Variants in CNTN5 observed in about 807,000 individuals in gnomAD.
CNTN5 encodes contactin 5.
CNTN5 carries 77 observed loss-of-function variants against 129.1 expected under a neutral mutation model. The ratio of observed to expected loss-of-function variants is 0.60; its 90% CI spans 0.50 to 0.72. The LOEUF (loss-of-function observed/expected upper bound fraction) is 0.72. CNTN5 is among the 30% of genes least tolerant of loss of function. CNTN5 has a pLI of 0.00. For synonymous variants in CNTN5, 509 were observed against 465.6 expected (o/e 1.09, Z -1.20); for missense variants, 1,478 against 1,328.8 (o/e 1.11, Z -1.75).
chr11:100,236,830 A>C (rs1234082116), intron 16 of CNTN5, among the ~76,000 whole-genome samples: 1 of 152,102 alleles, frequency 6.6e-6, no homozygotes, highest in Non-Finnish European at 1.5e-5. Context: ...AAAGCCTGGA[A>C]TGTACAGCCT....
intron 3 of CNTN5, among the ~76,000 whole-genome samples, chr11:99,677,952 G>C (rs1050247366): frequency 1.3e-5 from 2 of 151,786 alleles, no homozygotes; most frequent in Non-Finnish European, 2.9e-5. Flanking sequence ...ATTCTCCTTG[G>C]TACTCTCGAA....
At chr11:99,747,327 T>C (rs933981780) in intron 3 of CNTN5, among the ~76,000 whole-genome samples, 2 of 152,166 alleles carry the variant, frequency 1.3e-5, no homozygotes, top group Admixed American at 6.5e-5. Flanking sequence ...TCTTTGCAGT[T>C]TTCTAAAAAT....
At chr11:99,680,217 A>T (rs1253128093) in intron 3 of CNTN5, among the ~76,000 whole-genome samples, 1 of 152,322 alleles carries the variant, frequency 6.6e-6, no homozygotes, top group African/African-American at 2.4e-5. Context: ...CAAATTTTCA[A>T]TATAGATGAA....
At chr11:99,731,211 C>T (rs1048464943) in intron 3 of CNTN5, among the ~76,000 whole-genome samples, 5 of 151,970 alleles carry the variant, frequency 3.3e-5, no homozygotes, top group African/African-American at 9.7e-5. Flanking sequence ...GGGTTCACGC[C>T]ATTCTCCTGC....
chr11:100,321,115 G>A (rs534646603), intron 21 of CNTN5, among the ~76,000 whole-genome samples: 7 of 152,076 alleles, frequency 4.6e-5, no homozygotes, highest in African/African-American at 1.7e-4. Context: ...AATTTTGATA[G>A]TACAATGACT....
At chr11:100,085,085 T>A (rs1197532895) in intron 13 of CNTN5, among the ~76,000 whole-genome samples, 1 of 151,430 alleles carries the variant, frequency 6.6e-6, no homozygotes, top group African/African-American at 2.4e-5. Flanking sequence ...TAAGGGGGAG[T>A]AAATAATTTT....
chr11:99,869,322 A>G (rs1948439938), intron 6 of CNTN5, among the ~76,000 whole-genome samples: 1 of 152,162 alleles, frequency 6.6e-6, no homozygotes. Flanking sequence ...AAGAGTAACA[A>G]TTTCAATCCA....
At chr11:99,968,923 A>T (rs1023389924) in intron 8 of CNTN5, among the ~76,000 whole-genome samples, 2 of 151,828 alleles carry the variant, frequency 1.3e-5, no homozygotes, top group African/African-American at 4.8e-5. Context: ...GGCTTTTGTT[A>T]ATCTTTTATT....
intron 3 of CNTN5, among the ~76,000 whole-genome samples, chr11:99,624,840 C>T (rs2135778662): frequency 6.6e-6 from 1 of 152,256 alleles, no homozygotes; most frequent in East Asian, 1.9e-4. Flanking sequence ...TACAGGCCAT[C>T]AGTCAGGAAG....
intron 2 of CNTN5, among the ~76,000 whole-genome samples, chr11:99,345,473 G>A (rs1937780755): frequency 6.6e-6 from 1 of 152,098 alleles, no homozygotes; most frequent in Admixed American, 6.6e-5. Flanking sequence ...TCATCCCTGT[G>A]GTGGATTGAA....
At chr11:99,552,656 A>G (rs1020761237) in intron 2 of CNTN5, among the ~76,000 whole-genome samples, 1 of 152,188 alleles carries the variant, frequency 6.6e-6, no homozygotes, top group Non-Finnish European at 1.5e-5. Context: ...GGCATGCTTG[A>G]GGACTAGCAA....
At chr11:99,418,623 T>C (rs1054867090) in intron 2 of CNTN5, among the ~76,000 whole-genome samples, 2 of 152,204 alleles carry the variant, frequency 1.3e-5, no homozygotes, top group Non-Finnish European at 2.9e-5. Flanking sequence ...ACTAACCTGA[T>C]GCACTTCATT....
intron 16 of CNTN5, among the ~76,000 whole-genome samples, chr11:100,237,188 C>CAAA (rs397977189): frequency 5.6e-5 from 4 of 71,106 alleles, no homozygotes; most frequent in African/African-American, 9.8e-5. Context: ...GACTCCGTCT[C>CAAA]AAAAAAAAAA....
intron 2 of CNTN5, among the ~76,000 whole-genome samples, chr11:99,375,697 A>T (rs1333240260): frequency 6.6e-6 from 1 of 151,926 alleles, no homozygotes; most frequent in Non-Finnish European, 1.5e-5. Context: ...TGTCTGAGAA[A>T]CCCTGTTTTC....
At chr11:99,086,457 A>C (rs1415723611) in intron 1 of CNTN5, among the ~76,000 whole-genome samples, 1 of 152,160 alleles carries the variant, frequency 6.6e-6, no homozygotes, top group Non-Finnish European at 1.5e-5. Flanking sequence ...CTCATTGCAG[A>C]AGGTGAAGTG....
chr11:99,522,585 G>T (rs1417063506), intron 2 of CNTN5, among the ~76,000 whole-genome samples: 1 of 151,936 alleles, frequency 6.6e-6, no homozygotes, highest in African/African-American at 2.4e-5. Context: ...TGAGTTATTT[G>T]GAGAATATAA....
At chr11:99,105,591 C>G (rs980278854) in intron 1 of CNTN5, among the ~76,000 whole-genome samples, 2 of 152,046 alleles carry the variant, frequency 1.3e-5, no homozygotes, top group African/African-American at 4.8e-5. Context: ...TATTTTTTAA[C>G]CCCACTTTCT....
intron 2 of CNTN5, among the ~76,000 whole-genome samples, chr11:99,546,814 C>T (rs967848938): frequency 2.0e-5 from 3 of 152,182 alleles, no homozygotes; most frequent in Admixed American, 1.3e-4. Flanking sequence ...GGCCTTTTCT[C>T]TGCAGCTTGG....
At chr11:99,873,727 C>T (rs895572807) in intron 6 of CNTN5, among the ~76,000 whole-genome samples, 14 of 151,956 alleles carry the variant, frequency 9.2e-5, no homozygotes, top group East Asian at 3.9e-4. Context: ...TTAAAAGAAA[C>T]GAAATTATTA....
Sources: gnomAD v4.1 joint callset for allele counts (sites outside exome capture counted in the v4.1 genomes callset) on GRCh38, gnomAD v4.1.1 for gene constraint, MANE v1.5 for transcripts, NCBI Gene and HGNC (gene_info 2026-07-23, HGNC 2026-07-21) for gene names.